Variants in VPS33A observed in about 807,000 individuals in gnomAD.
VPS33A encodes vacuolar protein sorting-associated protein 33A.
A neutral mutation model predicts 71.8 loss-of-function variants in VPS33A; 32 were observed. The observed-to-expected ratio is 0.45, with a 90% CI of 0.34 to 0.60. VPS33A has a LOEUF of 0.60. VPS33A is among the 20% of genes least tolerant of loss of function. The pLI is 0.02. For synonymous variants in VPS33A, 311 were observed against 292.7 expected (o/e 1.06, Z -0.64); for missense variants, 625 against 748.5 (o/e 0.84, Z 1.92).
intron 11 of VPS33A, among the ~76,000 whole-genome samples, chr12:122,233,228 CTTTTT>C (rs11365018): frequency 7.0e-6 from 1 of 143,558 alleles, no homozygotes; most frequent in African/African-American, 2.6e-5. Context: ...TGGCATGAAA[CTTTTT>C]TTTTTTTTTT....
intron 8 of VPS33A, among the ~76,000 whole-genome samples, chr12:122,240,806 A>G (rs978908745): frequency 6.6e-6 from 1 of 152,198 alleles, no homozygotes; most frequent in Non-Finnish European, 1.5e-5. Context: ...AGAATATTCA[A>G]GGGAAGAACA....
intron 8 of VPS33A, among the ~76,000 whole-genome samples, chr12:122,241,926 G>A (rs145682480): frequency 7.0e-5 from 10 of 142,392 alleles, no homozygotes; most frequent in Admixed American, 1.4e-4. Flanking sequence ...TTTGTTTTTC[G>A]AGATGGAGTC....
intron 10 of VPS33A, among the ~76,000 whole-genome samples, chr12:122,237,056 A>G (rs552465049): frequency 1.3e-5 from 2 of 152,336 alleles, no homozygotes; most frequent in East Asian, 3.9e-4. Flanking sequence ...TTAAAAAAAG[A>G]CAAAAACAAA....
Position 122,232,252 on chromosome 12 carries a change from A to G in VPS33A, c.1785T>C (p.Pro595=), listed in dbSNP as rs1217749621. The change falls in exon 13 of 13, where the codon CCT becomes CCC. Residue 595 remains proline, a synonymous_variant. Coordinates refer to ENST00000267199, the MANE Select transcript of VPS33A (RefSeq NM_022916.6). The part of the protein sequence containing the change: ...TSWIEALMEK[P]F ...TAAGTCTCCTCTGAACATCCTAGAAAGGTTTTTCCATCAGAGCCTCTATCC... is the reference window on the plus strand; with the variant it reads ...TAAGTCTCCTCTGAACATCCTAGAAGGGTTTTTCCATCAGAGCCTCTATCC... 8 of 1,610,522 alleles carry G rather than the reference A, an allele frequency of 5.0e-6. No individual in the cohort carries two copies. Among genetic ancestry groups the G allele is most frequent in the Non-Finnish European group, 6.8e-6 (8 of 1,178,574 alleles).
At chr12:122,238,512 G>A in intron 10 of VPS33A, 75 bp downstream of exon 10, 1 of 1,522,796 alleles carries the variant, frequency 6.6e-7, no homozygotes, top group Non-Finnish European at 8.8e-7. Context: ...GTAAGCCACT[G>A]TGCCCGGCCC....
intron 4 of VPS33A, among the ~76,000 whole-genome samples, chr12:122,258,447 G>C (rs964697913): frequency 3.3e-5 from 5 of 151,954 alleles, no homozygotes; most frequent in Non-Finnish European, 7.4e-5. Flanking sequence ...AAAATACTTG[G>C]AAATCATGTA....
At chr12:122,263,055 C>T (rs1399315550) in intron 3 of VPS33A, among the ~76,000 whole-genome samples, 2 of 148,382 alleles carry the variant, frequency 1.3e-5, no homozygotes, top group Non-Finnish European at 3.0e-5. Context: ...TGCAGTGGCG[C>T]GATCTCAGCT....
intron 4 of VPS33A, among the ~76,000 whole-genome samples, chr12:122,255,574 G>A (rs1037267860): frequency 4.6e-5 from 7 of 151,736 alleles, no homozygotes; most frequent in South Asian, 2.1e-4. Flanking sequence ...GTGCAGTGGC[G>A]GGCACCTGTA....
At chr12:122,244,458 G>A in intron 7 of VPS33A, 111 bp downstream of exon 7, 1 of 913,688 alleles carries the variant, frequency 1.1e-6, no homozygotes, top group Admixed American at 2.7e-5. Context: ...GAGAAAAGTT[G>A]CATTGAAGCC....
At chr12:122,264,324 T>C (rs1955038655) in intron 1 of VPS33A, 125 bp from the exon 2 acceptor site, 3 of 596,778 alleles carry the variant, frequency 5.0e-6, no homozygotes, top group African/African-American at 3.8e-5. Flanking sequence ...TTTATCCTAG[T>C]GTTACAAAAT....
intron 7 of VPS33A, 39 bp downstream of exon 7, chr12:122,244,530 G>C (rs770888295): frequency 6.4e-7 from 1 of 1,550,744 alleles, no homozygotes; most frequent in South Asian, 1.2e-5. Flanking sequence ...ATCTACCTGA[G>C]GCCTAGAGTT....
intron 6 of VPS33A, 193 bp downstream of exon 6, chr12:122,249,678 G>C (rs1592921684): frequency 2.3e-5 from 10 of 442,946 alleles, no homozygotes; most frequent in Non-Finnish European, 3.8e-5. Flanking sequence ...GTTTTCTTTG[G>C]CCAAGGGTTA....
intron 9 of VPS33A, among the ~76,000 whole-genome samples, chr12:122,239,551 G>A (rs943534429): frequency 3.3e-5 from 5 of 152,112 alleles, no homozygotes; most frequent in East Asian, 1.9e-4. Context: ...TGGCTAACAT[G>A]GTGAAACCCC....
intron 11 of VPS33A, among the ~76,000 whole-genome samples, chr12:122,235,219 A>G (rs1954613801): frequency 6.6e-6 from 1 of 150,586 alleles, no homozygotes; most frequent in Admixed American, 6.6e-5. Context: ...TCAGCCTCCC[A>G]ATATACTGGG....
intron 4 of VPS33A, among the ~76,000 whole-genome samples, chr12:122,255,054 G>GAAAAAAAA (rs35670853): frequency 7.7e-6 from 1 of 129,796 alleles, no homozygotes; most frequent in African/African-American, 2.7e-5. Flanking sequence ...CAGTTTCAAG[G>GAAAAAAAA]AAAAAAAAAA....
Position 122,263,695 on chromosome 12 carries a change from T to A in VPS33A, c.173A>T (p.His58Leu), listed in dbSNP as rs1210262256. The A allele has an allele frequency of 6.2e-7, 1 of 1,608,858 alleles. No homozygotes were observed. Among genetic ancestry groups the A allele is most frequent in the Non-Finnish European group, 8.5e-7 (1 of 1,176,484 alleles). ...AAGTGTGAACATTTTTTCCACTTCA[T>A]GTTCCTAGGCAAACACATACACAAA... ...LIAQYSLLKE[H>L]EVEKMFTLKG... The change falls in exon 3 of 13, where the codon CAT (histidine) becomes CTT (leucine). Residue 58 changes from histidine (H) to leucine (L), a missense_variant. His to Leu is a moderately conservative substitution (Grantham distance 99, BLOSUM62 -3). Coordinates refer to ENST00000267199, the MANE Select transcript of VPS33A (RefSeq NM_022916.6).
At chr12:122,246,541 C>T (rs145208866) in intron 6 of VPS33A, among the ~76,000 whole-genome samples, 5,623 of 150,684 alleles carry the variant, frequency 0.037, 342 homozygotes, top group African/African-American at 0.13. Context: ...TCAGATGATC[C>T]GCTCACCTCA....
chr12:122,238,497 C>G (rs983999725), intron 10 of VPS33A, 90 bp downstream of exon 10: 3 of 1,455,072 alleles, frequency 2.1e-6, no homozygotes, highest in Non-Finnish European at 2.7e-6. Flanking sequence ...GCTGGGATTA[C>G]AGGCGTAAGC....
chr12:122,254,395 A>AC (rs1226854782), intron 4 of VPS33A, among the ~76,000 whole-genome samples: 30 of 51,186 alleles, frequency 5.9e-4, no homozygotes, highest in African/African-American at 1.1e-3. Context: ...CCCCCAATCC[A>AC]CCCCCCCGCC....
Sources: allele counts gnomAD v4.1 joint callset (sites outside exome capture counted in the v4.1 genomes callset), GRCh38; gene constraint gnomAD v4.1.1; transcripts MANE v1.5; gene names NCBI Gene and HGNC (gene_info 2026-07-23, HGNC 2026-07-21).